The following QRICH1 variants were observed in gnomAD, a reference collection of about 807,000 sequenced individuals.
The protein encoded by QRICH1 is glutamine rich 1.
In QRICH1, 16 loss-of-function variants were observed where a neutral mutation model predicts 87.1. The observed-to-expected ratio is 0.18, with a 90% CI of 0.12 to 0.28. The LOEUF (loss-of-function observed/expected upper bound fraction) is 0.28, where lower values mean the gene tolerates loss of function less well. Among genes scored for constraint, QRICH1 ranks in the 10% least tolerant of loss-of-function variants. QRICH1 has a pLI of 1.00. For synonymous variants in QRICH1, 367 were observed against 368.4 expected, an observed-to-expected ratio of 1.00 and a Z score of 0.05; for missense variants, 647 against 951.7, an observed-to-expected ratio of 0.68 and a Z score of 4.21.
Position 49,070,145 on chromosome 3 carries a change from C to G in QRICH1, c.309+6564G>C, listed in dbSNP as rs144336421. On this transcript the variant is annotated intron_variant, in intron 2 of 9. Coordinates refer to ENST00000395443, the MANE Select transcript of QRICH1 (RefSeq NM_198880.3). ...CTTGGCTTCCCAGGTTCAAGCAATTCTCCTGCCTTAGCCTCCGAATAGCTG... is the reference window on the plus strand; with the variant it reads ...CTTGGCTTCCCAGGTTCAAGCAATTGTCCTGCCTTAGCCTCCGAATAGCTG... Among the ~76,000 whole-genome samples, 66 of 151,898 alleles carry G rather than the reference C, an allele frequency of 4.3e-4. 2 individuals are homozygous for G. In the East Asian group the frequency reaches 0.012, roughly 28 times the overall value.
intron 1 of QRICH1, among the ~76,000 whole-genome samples, chr3:49,084,755 T>C (rs1247571076): frequency 1.3e-5 from 2 of 150,998 alleles, no homozygotes; most frequent in Non-Finnish European, 2.9e-5. Flanking sequence ...AGAGTGAGAC[T>C]CCACCTCAAA....
intron 1 of QRICH1, among the ~76,000 whole-genome samples, chr3:49,087,631 G>A (rs976044609): frequency 1.3e-5 from 2 of 150,740 alleles, no homozygotes; most frequent in Admixed American, 6.6e-5. Context: ...ATCCTAGCAC[G>A]CTGGAAGGCC....
chr3:49,059,901 T>C lies in QRICH1; in HGVS notation c.310-2011A>G, dbSNP rs188825765. On this transcript the variant is annotated intron_variant, in intron 2 of 9. Transcript: ENST00000395443. ...TCCAGCTAACTTTTTTTTTTTTTTT[T>C]TGAGACGGAGTCTCGCTCTATCGCC... 9.5e-3 allele frequency among the ~76,000 whole-genome samples: 1,444 copies of C among 151,722 alleles called. 26 individuals are homozygous for C. Among genetic ancestry groups the C allele is most frequent in the African/African-American group, 0.033 (1,385 of 41,360 alleles).
chr3:49,057,716 A>G lies in QRICH1; in HGVS notation c.484T>C (p.Ser162Pro). Residue 162 changes from serine to proline, a missense_variant, in exon 3 of 10, where the codon TCG becomes CCG. Around this residue, in one of 7 missense-constraint regions of QRICH1, gnomAD observed 156 missense variants for 164.5 expected, o/e 0.95. Coordinates refer to ENST00000395443, the MANE Select transcript of QRICH1 (RefSeq NM_198880.3). This position sits in a 1 kb window ranked among gnomAD's most constrained non-coding sequence, Gnocchi z 5.4. The part of the protein sequence containing the change: ...QTPSLQSPSP[S>P]QLQAAQIQVQ... The stretch of plus-strand genomic sequence containing the variant: ...TGGATCTGAGCTGCTTGCAGCTGCG[A>G]GGGACTGGGACTCTGCAGAGACGGG... The G allele has an allele frequency of 6.2e-7, 1 of 1,614,156 alleles. No homozygotes were observed. The highest frequency in any genetic ancestry group is 1.1e-5 in the South Asian group (1 of 91,082).
upstream of QRICH1, chr3:49,094,346 C>T (rs2042340283): frequency 7.0e-6 from 2 of 285,360 alleles, no homozygotes; most frequent in Admixed American, 5.2e-5. Context: ...CCTTCCGTCG[C>T]CCGCCAGAGC....
chr3:49,040,940 A>G (rs1194196582), intron 6 of QRICH1, among the ~76,000 whole-genome samples: 2 of 152,084 alleles, frequency 1.3e-5, no homozygotes, highest in African/African-American at 4.8e-5. Flanking sequence ...CATTACTTCA[A>G]TTTGCAACTC....
rs140970389 is a variant in QRICH1 at position 49,048,196 on chromosome 3, G to T, written c.1339-950C>A. Among the ~76,000 whole-genome samples the T allele has an allele frequency of 6.4e-3, 964 of 151,342 alleles. 12 individuals are homozygous for T. Among genetic ancestry groups the T allele is most frequent in the African/African-American group, 0.022 (920 of 41,258 alleles). ...CTTGGATGCTGGAGTGCAATGGCAGGATCTCGGCTCACCTCAACCTCTGTC... is the reference window on the plus strand; with the variant it reads ...CTTGGATGCTGGAGTGCAATGGCAGTATCTCGGCTCACCTCAACCTCTGTC... On this transcript the variant is annotated intron_variant, in intron 3 of 9. Transcript: ENST00000395443.
chr3:49,057,480 A>C lies in QRICH1; in HGVS notation c.720T>G (p.Ser240Arg). 6.2e-7 allele frequency: 1 copy of C among 1,611,316 alleles called. No homozygotes were observed. Among genetic ancestry groups the C allele is most frequent in the Non-Finnish European group, 8.5e-7 (1 of 1,178,632 alleles). ...TGCGCTTCTTCACTGGTTGGAGGAC[A>C]CTGGCCGTGCCAACCCGCCGCTCCC... ...REGERRVGTA[S>R]VLQPVKKRKV... is the part of the protein sequence containing the mutation. Residue 240 changes from serine to arginine, a missense_variant, in exon 3 of 10, where the codon AGT becomes AGG. This residue lies in a region of QRICH1 where 75 missense variants were observed against 141.0 expected (regional missense o/e 0.53). Coordinates refer to ENST00000395443, the MANE Select transcript of QRICH1 (RefSeq NM_198880.3). This position sits in a 1 kb window ranked among gnomAD's most constrained non-coding sequence, Gnocchi z 5.4.
At chr3:49,031,597 G>A (rs754657692) in intron 9 of QRICH1, among the ~76,000 whole-genome samples, 1 of 152,160 alleles carries the variant, frequency 6.6e-6, no homozygotes, top group Non-Finnish European at 1.5e-5. Flanking sequence ...AAGTGCTACC[G>A]AGGAAACAGT....
chr3:49,055,907 G>A lies in QRICH1; in HGVS notation c.1338+955C>T, dbSNP rs531722219. On this transcript the variant is annotated intron_variant, in intron 3 of 9. Coordinates refer to ENST00000395443, the MANE Select transcript of QRICH1 (RefSeq NM_198880.3). The stretch of plus-strand genomic sequence containing the variant: ...TTGGCCAAGCTGATCTCAAACTCCT[G>A]ACCTCTGGTGACTCACCCGCCTTGG... 3.3e-5 allele frequency among the ~76,000 whole-genome samples: 5 copies of A among 152,262 alleles called. No homozygotes were observed. The South Asian group carries it at 1.0e-3, about 32-fold the overall frequency.
chr3:49,037,605 G>T (rs1010087251), intron 6 of QRICH1, among the ~76,000 whole-genome samples: 1 of 152,084 alleles, frequency 6.6e-6, no homozygotes, highest in Non-Finnish European at 1.5e-5. Flanking sequence ...GGTGGCAGGC[G>T]CCTGTAGTCC....
At chr3:49,082,561 A>T (rs1441297640) in intron 1 of QRICH1, among the ~76,000 whole-genome samples, 2 of 152,128 alleles carry the variant, frequency 1.3e-5, no homozygotes, top group African/African-American at 4.8e-5. Context: ...TACTTGCTAT[A>T]AACCATCAAA....
intron 2 of QRICH1, among the ~76,000 whole-genome samples, chr3:49,069,537 G>T (rs1428858349): frequency 7.3e-6 from 1 of 137,838 alleles, no homozygotes. Flanking sequence ...AGATCCATGG[G>T]GGGGAATTTT....
chr3:49,036,390 C>T (rs2093275428), intron 6 of QRICH1, among the ~76,000 whole-genome samples: 1 of 152,172 alleles, frequency 6.6e-6, no homozygotes, highest in African/African-American at 2.4e-5. Context: ...AAGGATTCTA[C>T]ACTAGAACAA....
chr3:49,051,888 A>C (rs1364353714), intron 3 of QRICH1, among the ~76,000 whole-genome samples: 1 of 152,180 alleles, frequency 6.6e-6, no homozygotes, highest in Non-Finnish European at 1.5e-5. Context: ...AGCATCTTCC[A>C]AAAATTCTTC....
intron 3 of QRICH1, among the ~76,000 whole-genome samples, chr3:49,049,164 A>C (rs1462697725): frequency 6.6e-6 from 1 of 151,832 alleles, no homozygotes; most frequent in Admixed American, 6.5e-5. Context: ...TTGGCCTCCC[A>C]AAGTGCTGGG....
In QRICH1 at chr3:49,033,236, G is replaced by A. The variant is rs1471723510; in HGVS notation, c.1787-8C>T. 3 of 1,512,914 alleles carry A rather than the reference G, an allele frequency of 2.0e-6. No homozygotes were observed. Among genetic ancestry groups the A allele is most frequent in the Middle Eastern group, 1.8e-4 (1 of 5,430 alleles). The allele number at this position is 1,512,914 out of a possible 1,614,324, so 93.7% of individuals were successfully genotyped here. On this transcript the variant is annotated splice_polypyrimidine_tract_variant and splice_region_variant and intron_variant, in intron 6 of 9. Coordinates refer to ENST00000395443, the MANE Select transcript of QRICH1 (RefSeq NM_198880.3). ...GGCTGGGCAAGACATAGCCTAGGAG[G>A]AATAGAGTACTGTCACAACAAGAGG...
chr3:49,036,304 C>A (rs749609113), intron 6 of QRICH1, among the ~76,000 whole-genome samples: 1 of 152,122 alleles, frequency 6.6e-6, no homozygotes, highest in African/African-American at 2.4e-5. Flanking sequence ...AATCTAGGAA[C>A]AATAAGCACC....
chr3:49,061,210 G>A (rs1328644832), intron 2 of QRICH1, among the ~76,000 whole-genome samples: 2 of 136,904 alleles, frequency 1.5e-5, no homozygotes, highest in Non-Finnish European at 3.1e-5. Flanking sequence ...TCATCCCAAA[G>A]CACCACCCCC....
Sources: gnomAD v4.1 joint callset for allele counts (sites outside exome capture counted in the v4.1 genomes callset) on GRCh38, gnomAD v4.1.1 for gene constraint, gnomAD v4.1.1 regional missense constraint, Gnocchi (gnomAD v3.1) non-coding constraint, MANE v1.5 for transcripts, NCBI Gene and HGNC (gene_info 2026-07-23, HGNC 2026-07-21) for gene names.